Variants in FAM149A observed in about 807,000 individuals in gnomAD.
FAM149A encodes family with sequence similarity 149 member A, also known as protein FAM149A.
Under a neutral mutation model 78.2 loss-of-function variants are expected in FAM149A, and 71 were observed. That is an observed-to-expected ratio of 0.91 (90% confidence interval 0.75 to 1.11). FAM149A has a LOEUF of 1.11. Among genes scored for constraint, FAM149A ranks in the 50% least tolerant of loss-of-function variants. FAM149A has a pLI of 0.00. For synonymous variants in FAM149A, 446 were observed against 410.5 expected (o/e 1.09, Z -1.04); for missense variants, 1,036 against 971.0 (o/e 1.07, Z -0.89).
intron 1 of FAM149A, chr4:186,122,786 A>G: frequency 1.6e-6 from 1 of 628,912 alleles, no homozygotes; most frequent in Non-Finnish European, 2.0e-6. Context: ...GTAAATATTT[A>G]GAGGATGAAT....
At chr4:186,146,652 G>C in intron 1 of FAM149A, 4 of 705,842 alleles carry the variant, frequency 5.7e-6, no homozygotes, top group Non-Finnish European at 7.0e-6. Context: ...GCTAGAAGCA[G>C]GATAGACCGT....
intron 13 of FAM149A, chr4:186,169,223 A>G (rs1307440344): frequency 2.0e-6 from 2 of 983,276 alleles, no homozygotes; most frequent in Non-Finnish European, 2.4e-6. Flanking sequence ...AAAATATGCT[A>G]GTCATTGTTT....
chr4:186,167,731 A>C (rs1219689093), intron 13 of FAM149A: 1 of 250,810 alleles, frequency 4.0e-6, no homozygotes, highest in East Asian at 9.5e-5. Flanking sequence ...TGCTGTTTGC[A>C]GGATATTCTA....
intron 1 of FAM149A, among the ~76,000 whole-genome samples, chr4:186,131,082 T>A (rs1404531762): frequency 6.6e-6 from 1 of 152,194 alleles, no homozygotes. Flanking sequence ...GCGCAGTGGC[T>A]CACGCCTGTA....
At chr4:186,133,448 A>G (rs2099321602) in intron 1 of FAM149A, among the ~76,000 whole-genome samples, 1 of 152,180 alleles carries the variant, frequency 6.6e-6, no homozygotes, top group Non-Finnish European at 1.5e-5. Flanking sequence ...TATAAGTGGA[A>G]TCATACAATA....
intron 1 of FAM149A, among the ~76,000 whole-genome samples, chr4:186,128,077 G>C (rs536361477): frequency 6.9e-5 from 9 of 130,394 alleles, no homozygotes; most frequent in Middle Eastern, 5.7e-3. Flanking sequence ...TGCAACCTCC[G>C]CCTCCTGAGT....
intron 1 of FAM149A, chr4:186,118,141 T>C: frequency 3.0e-6 from 3 of 985,448 alleles, no homozygotes; most frequent in Non-Finnish European, 3.6e-6. Flanking sequence ...ACTTTGCACG[T>C]ACAGGAGTTG....
At chr4:186,143,222 G>C (rs1732672536) in intron 1 of FAM149A, among the ~76,000 whole-genome samples, 1 of 135,878 alleles carries the variant, frequency 7.4e-6, no homozygotes. Context: ...GAACTCCTGG[G>C]CTCTAGTGAT....
At chr4:186,154,964 GTTCTT>G (rs1733921514) in intron 6 of FAM149A, 1 of 872,840 alleles carries the variant, frequency 1.1e-6, no homozygotes, top group Non-Finnish European at 1.4e-6. Context: ...TTCGTATTTT[GTTCTT>G]TTTTTTTTTT....
intron 11 of FAM149A, among the ~76,000 whole-genome samples, chr4:186,165,750 G>A (rs928862919): frequency 2.6e-5 from 4 of 152,184 alleles, no homozygotes; most frequent in African/African-American, 9.7e-5. Flanking sequence ...GCAAAGAAGA[G>A]AGCATGAAAT....
chr4:186,118,573 T>C (rs186806445), intron 1 of FAM149A, among the ~76,000 whole-genome samples: 1 of 152,132 alleles, frequency 6.6e-6, no homozygotes, highest in Non-Finnish European at 1.5e-5. Flanking sequence ...TGAAGAACAC[T>C]GAGGTAGACT....
In FAM149A at chr4:186,160,727, A is replaced by C. The variant is rs372561734; in HGVS notation, c.1576-2118A>C. Reference sequence around the variant, plus strand: ...CTACCACACACCACACACACACCTCACCACACCCCACACACACCACACCAC... The same window carrying C: ...CTACCACACACCACACACACACCTCCCCACACCCCACACACACCACACCAC... On this transcript the variant is annotated intron_variant, in intron 8 of 13. Transcript: ENST00000389354. 4.4e-6 allele frequency: 4 copies of C among 906,120 alleles called. No individual in the cohort carries two copies. The African/African-American group carries it at 8.5e-5, about 19-fold the overall frequency. 56.1% of individuals were successfully genotyped at this position (906,120 alleles called of 1,614,324 possible). A position where few individuals can be genotyped will look rare whatever the true frequency, so the allele number is the denominator to read the frequency against.
intron 1 of FAM149A, among the ~76,000 whole-genome samples, chr4:186,121,370 G>C (rs905774036): frequency 1.3e-5 from 2 of 152,098 alleles, no homozygotes; most frequent in Non-Finnish European, 2.9e-5. Context: ...TGTTTATCTA[G>C]TGAGTATATT....
At chr4:186,130,634 C>G (rs1234777771) in intron 1 of FAM149A, among the ~76,000 whole-genome samples, 1 of 151,864 alleles carries the variant, frequency 6.6e-6, no homozygotes, top group East Asian at 1.9e-4. Flanking sequence ...GCTGGGACTA[C>G]AGGCATGAGC....
intron 1 of FAM149A, chr4:186,107,626 A>G (rs937606272): frequency 6.6e-6 from 1 of 152,316 alleles, no homozygotes; most frequent in African/African-American, 2.4e-5. Flanking sequence ...GGGTCTCCCT[A>G]TGTTGCCCAG....
chr4:186,119,741 G>A (rs1288447017), intron 1 of FAM149A, among the ~76,000 whole-genome samples: 6 of 152,250 alleles, frequency 3.9e-5, no homozygotes, highest in East Asian at 1.9e-4. Context: ...AGAGAATGTC[G>A]CTCTTTGTAT....
intron 1 of FAM149A, among the ~76,000 whole-genome samples, chr4:186,121,691 C>A (rs537706925): frequency 3.3e-5 from 5 of 152,304 alleles, no homozygotes; most frequent in African/African-American, 1.2e-4. Context: ...CACACGTTGA[C>A]CCCACCTAAC....
rs891664319 is a variant in FAM149A at position 186,165,211 on chromosome 4, A to G, written c.1890-133A>G. 7 of 907,300 alleles carry G rather than the reference A, an allele frequency of 7.7e-6. No individual in the cohort carries two copies. The African/African-American group carries it at 1.1e-4, about 15-fold the overall frequency. 56.2% of individuals were successfully genotyped at this position (907,300 alleles called of 1,614,324 possible). ...CTGGGGAGCATCCGGATAATACCAC[A>G]CATAGCAGAAATCAAAGACCTCCTG... is the stretch of plus-strand genomic sequence containing the variant. On this transcript the variant is annotated intron_variant, in intron 10 of 13. Transcript: ENST00000389354.
chr4:186,124,027 T>C (rs2099317194), intron 1 of FAM149A: 27 of 984,708 alleles, frequency 2.7e-5, no homozygotes, highest in Non-Finnish European at 3.3e-5. Flanking sequence ...ACACAGACAA[T>C]GAGAAACTTG....
Sources: allele counts gnomAD v4.1 joint callset (sites outside exome capture counted in the v4.1 genomes callset), GRCh38; gene constraint gnomAD v4.1.1; transcripts MANE v1.5; gene names NCBI Gene and HGNC (gene_info 2026-07-23, HGNC 2026-07-21).